The following PGD variants were observed in gnomAD, a reference collection of about 807,000 sequenced individuals.
PGD encodes the protein phosphogluconate dehydrogenase.
Under a neutral mutation model 60.4 loss-of-function variants are expected in PGD, and 21 were observed. The observed-to-expected ratio is 0.35, with a 90% CI of 0.25 to 0.50. The LOEUF is 0.50. Among genes scored for constraint, PGD ranks in the 20% least tolerant of loss-of-function variants. PGD has a pLI of 0.98. For missense variants in PGD, 477 were observed against 613.1 expected, an observed-to-expected ratio of 0.78 and a Z score of 2.34; for synonymous variants, 230 against 235.9, an observed-to-expected ratio of 0.97 and a Z score of 0.23.
chr1:10,404,136 A>G, intron 4 of PGD, 25 bp from the exon 5 acceptor site: 1 of 1,475,916 alleles, frequency 6.8e-7, no homozygotes, highest in Non-Finnish European at 9.3e-7. Context: ...TGGAAGCATA[A>G]TGAAATTATT....
intron 6 of PGD, among the ~76,000 whole-genome samples, chr1:10,409,218 A>T (rs569992250): frequency 4.1e-4 from 62 of 152,200 alleles, no homozygotes; most frequent in Non-Finnish European, 2.4e-4. Context: ...TGAAATAAGG[A>T]CTCAGGCCTT....
At chr1:10,418,748 C>T (rs2124217070) in intron 10 of PGD, 78 bp from the exon 11 acceptor site, 1 of 819,882 alleles carries the variant, frequency 1.2e-6, no homozygotes, top group African/African-American at 1.8e-5. Context: ...CCACTCCAGC[C>T]TGGTGACAAA....
intron 10 of PGD, 36 bp from the exon 11 acceptor site, chr1:10,418,790 A>AC: frequency 8.3e-7 from 1 of 1,198,910 alleles, no homozygotes. Context: ...AAAAAAAAAA[A>AC]GACTCATTGC....
intron 11 of PGD, among the ~76,000 whole-genome samples, chr1:10,419,135 A>C (rs1240427663): frequency 6.6e-6 from 1 of 150,484 alleles, no homozygotes; most frequent in Non-Finnish European, 1.5e-5. Flanking sequence ...CAGCCTTCCT[A>C]AGTAGCTGGG....
chr1:10,413,271 A>C lies in PGD; in HGVS notation c.844+20A>C. 6.2e-7 allele frequency: 1 copy of C among 1,605,746 alleles called. No homozygotes were observed. The highest frequency in any genetic ancestry group is 8.5e-7 in the Non-Finnish European group (1 of 1,173,046). On this transcript the variant is annotated intron_variant, in intron 8 of 12. Transcript: ENST00000270776. ...TCATTGGTAATGTTATGCTTTTCACATGGGCCCTTTCGTCCACTATTCTGA... is the reference window on the plus strand; with the variant it reads ...TCATTGGTAATGTTATGCTTTTCACCTGGGCCCTTTCGTCCACTATTCTGA...
At chr1:10,417,313 G>C in intron 9 of PGD, 63 bp from the exon 10 acceptor site, 1 of 1,530,634 alleles carries the variant, frequency 6.5e-7, no homozygotes, top group Non-Finnish European at 8.9e-7. Flanking sequence ...GAATAAGACT[G>C]GTAGACATAA....
At position 10,419,796 on chromosome 1, in the gene PGD, C is replaced by G. The variant is rs1639661165; in HGVS notation, c.*47C>G. The G allele has an allele frequency of 6.2e-7, 1 of 1,607,290 alleles. No individual in the cohort carries two copies. The highest frequency in any genetic ancestry group is 1.3e-5 in the African/African-American group (1 of 74,818). ...CCACGATTCCACAGACCAGGACATTCCATGTGCCTCATGGCACTGCCACCT... is the reference window on the plus strand; with the variant it reads ...CCACGATTCCACAGACCAGGACATTGCATGTGCCTCATGGCACTGCCACCT... On this transcript the variant is annotated 3_prime_UTR_variant, in exon 13 of 13. Coordinates refer to ENST00000270776, the MANE Select transcript of PGD (RefSeq NM_002631.4).
At chr1:10,419,367 G>A (rs772611479) in intron 11 of PGD, 50 bp from the exon 12 acceptor site, 18 of 1,582,066 alleles carry the variant, frequency 1.1e-5, no homozygotes, top group South Asian at 6.9e-5. Flanking sequence ...AAATCTATCC[G>A]CGTCACCAGG....
intron 5 of PGD, 137 bp from the exon 6 acceptor site, chr1:10,407,934 G>A (rs562029200): frequency 2.1e-5 from 14 of 669,112 alleles, no homozygotes; most frequent in Admixed American, 1.3e-4. Context: ...GGGTGACAAC[G>A]TGAGACCCTG....
Position 10,413,080 on chromosome 1 carries a change from AAGAC to A in PGD, c.677_680del (p.Thr226SerfsTer2). On this transcript the variant is annotated frameshift_variant, in exon 8 of 13. Coordinates refer to ENST00000270776, the MANE Select transcript of PGD (RefSeq NM_002631.4). LOFTEE classifies it high-confidence loss of function. ...CATGTAGGCCTTTGAGGATTGGAAT[AAGAC>A]AGAGCTAGACTCATTCCTGATTGAA... is the stretch of plus-strand genomic sequence containing the variant. 1 of 1,614,042 alleles carries A rather than the reference AAGAC, an allele frequency of 6.2e-7. No homozygotes were observed. The highest frequency in any genetic ancestry group is 8.5e-7 in the Non-Finnish European group (1 of 1,179,896).
intron 5 of PGD, among the ~76,000 whole-genome samples, chr1:10,407,200 C>G (rs1639423398): frequency 6.6e-6 from 1 of 152,178 alleles, no homozygotes; most frequent in South Asian, 2.1e-4. Flanking sequence ...ATGGTCCCAG[C>G]ACTTTGGGAA....
chr1:10,414,782 A>G (rs543443441), intron 8 of PGD, among the ~76,000 whole-genome samples: 1 of 151,682 alleles, frequency 6.6e-6, no homozygotes, highest in South Asian at 2.1e-4. Context: ...CTTCTGGCAG[A>G]TTGTTCTCAC....
At chr1:10,414,911 C>T (rs1225231009) in intron 8 of PGD, among the ~76,000 whole-genome samples, 8 of 151,232 alleles carry the variant, frequency 5.3e-5, no homozygotes, top group Admixed American at 1.3e-4. Context: ...ACCAACATGG[C>T]GAAACCCCAT....
intron 10 of PGD, 52 bp from the exon 11 acceptor site, chr1:10,418,773 CA>C (rs370777082): frequency 0.16 from 122,215 of 764,820 alleles, 3 homozygotes; most frequent in South Asian, 0.2. Flanking sequence ...GACTCCGTCT[CA>C]AAAAAAAAAA....
Position 10,417,405 on chromosome 1 carries a change from C to A in PGD, c.1005C>A (p.Tyr335Ter). ...KALYASKIIS[Y>*]AQGFMLLRQA... is the part of the protein sequence containing the mutation. ...TCTACGCTTCCAAGATCATCTCTTACGCTCAAGGCTTTATGCTGCTAAGGC... is the reference window on the plus strand; with the variant it reads ...TCTACGCTTCCAAGATCATCTCTTAAGCTCAAGGCTTTATGCTGCTAAGGC... The change falls in exon 10 of 13, where the codon TAC (tyrosine) becomes TAA (stop). Residue 335 changes from tyrosine (Y) to a stop codon, truncating the protein, a stop_gained. Coordinates refer to ENST00000270776, the MANE Select transcript of PGD (RefSeq NM_002631.4). LOFTEE classifies it high-confidence loss of function. 6.2e-7 allele frequency: 1 copy of A among 1,613,134 alleles called. No individual in the cohort carries two copies. Among genetic ancestry groups the A allele is most frequent in the Non-Finnish European group, 8.5e-7 (1 of 1,179,616 alleles).
chr1:10,409,110 A>G (rs1639454983), intron 6 of PGD, among the ~76,000 whole-genome samples: 4 of 152,198 alleles, frequency 2.6e-5, no homozygotes, highest in South Asian at 2.1e-4. Context: ...ATGATCTCCA[A>G]GCTCTCTTCA....
At chr1:10,410,728 C>T (rs749472732) in intron 6 of PGD, among the ~76,000 whole-genome samples, 5 of 152,048 alleles carry the variant, frequency 3.3e-5, no homozygotes, top group East Asian at 1.9e-4. Context: ...ATGTGTTGAC[C>T]GGACTAACAT....
At chr1:10,413,401 C>T in intron 8 of PGD, 150 bp downstream of exon 8, 1 of 634,976 alleles carries the variant, frequency 1.6e-6, no homozygotes. Flanking sequence ...AAGAAACTGA[C>T]AGTGTGAGAG....
At chr1:10,412,786 C>A (rs553063384) in intron 7 of PGD, 1 of 329,896 alleles carries the variant, frequency 3.0e-6, no homozygotes, top group South Asian at 7.2e-5. Flanking sequence ...TCTGAGGAGG[C>A]GACACTGCAC....
Sources: allele counts gnomAD v4.1 joint callset (sites outside exome capture counted in the v4.1 genomes callset), GRCh38; gene constraint gnomAD v4.1.1; transcripts MANE v1.5; gene names NCBI Gene and HGNC (gene_info 2026-07-23, HGNC 2026-07-21).